Variants in SAMD3 observed in about 807,000 individuals in gnomAD.
SAMD3 encodes sterile alpha motif domain containing 3.
Under a neutral mutation model 58.5 loss-of-function variants are expected in SAMD3, and 63 were observed. The ratio of observed to expected loss-of-function variants is 1.08; its 90% CI spans 0.88 to 1.33. The LOEUF (loss-of-function observed/expected upper bound fraction) is 1.33, where lower values mean the gene tolerates loss of function less well. SAMD3 is among the 40% of genes most tolerant of loss of function. SAMD3 has a pLI of 0.00. For missense variants in SAMD3, 604 were observed against 608.4 expected, an observed-to-expected ratio of 0.99 and a Z score of 0.08; for synonymous variants, 220 against 210.3, an observed-to-expected ratio of 1.05 and a Z score of -0.40.
chr6:130,215,343 G>T, intron 2 of SAMD3, 49 bp from the exon 3 acceptor site: 2 of 1,291,184 alleles, frequency 1.5e-6, no homozygotes, highest in South Asian at 1.5e-5. Flanking sequence ...TTCTGATTGT[G>T]CCTTAATTTT....
At chr6:130,318,423 A>G (rs558334673) in intron 1 of SAMD3, among the ~76,000 whole-genome samples, 1 of 150,914 alleles carries the variant, frequency 6.6e-6, no homozygotes, top group African/African-American at 2.4e-5. Context: ...TAATAAAAAA[A>G]TTTTTTTTTT....
chr6:130,228,753 C>T (rs2114875306), intron 2 of SAMD3, among the ~76,000 whole-genome samples: 1 of 152,298 alleles, frequency 6.6e-6, no homozygotes, highest in Non-Finnish European at 1.5e-5. Flanking sequence ...CTGATGGAAG[C>T]CCGCATGTGG....
At chr6:130,155,498 C>G (rs1339428628) in intron 8 of SAMD3, among the ~76,000 whole-genome samples, 1 of 152,158 alleles carries the variant, frequency 6.6e-6, no homozygotes, top group Non-Finnish European at 1.5e-5. Flanking sequence ...TTTTCTGATG[C>G]TAAATCATTA....
rs1018682183 is a variant in SAMD3 at position 130,155,912 on chromosome 6, T to C, written c.823-887A>G. Among the ~76,000 whole-genome samples, 4 of 152,298 alleles carry C rather than the reference T, an allele frequency of 2.6e-5. 1 individual carries two copies. Among genetic ancestry groups the C allele is most frequent in the Admixed American group, 6.5e-5 (1 of 15,292 alleles). On this transcript the variant is annotated intron_variant, in intron 8 of 11. Transcript: ENST00000439090. The stretch of plus-strand genomic sequence containing the variant: ...CAAAATTAAGAAGAAGTTCCTATAA[T>C]CTTATACAAATTTAGTTGGAAGATA...
At position 130,146,017 on chromosome 6, in the gene SAMD3, C is replaced by T. The variant is rs1788593018; in HGVS notation, c.1188G>A (p.Met396Ile). 6.6e-7 allele frequency: 1 copy of T among 1,505,310 alleles called. No individual in the cohort carries two copies. Among genetic ancestry groups the T allele is most frequent in the African/African-American group, 1.4e-5 (1 of 70,762 alleles). 93.2% of individuals were successfully genotyped at this position (1,505,310 alleles called of 1,614,324 possible). ...EKMKHYTDED[M>I]LKYMKMTATC... is the part of the protein sequence containing the mutation. The stretch of plus-strand genomic sequence containing the variant: ...TCCATAAGGTTTACTAACATTTCAA[C>T]ATGTCTTCATCTGTGTAATGTTTCA... The change falls in exon 10 of 12, where the codon ATG becomes ATA. Residue 396 changes from methionine to isoleucine, a missense_variant. By Grantham distance (10) the Met-to-Ile change is conservative. Transcript: ENST00000439090.
intron 5 of SAMD3, among the ~76,000 whole-genome samples, chr6:130,185,549 A>T (rs1367651454): frequency 6.6e-6 from 1 of 150,664 alleles, no homozygotes; most frequent in Non-Finnish European, 1.5e-5. Context: ...GGATGGTCTC[A>T]ATCTCCTGAC....
chr6:130,365,709 G>T, upstream of SAMD3: 2 of 985,514 alleles, frequency 2.0e-6, no homozygotes, highest in South Asian at 4.7e-5. Context: ...CCCGGGAAGA[G>T]CGCCTGCAAG....
chr6:130,204,394 A>C (rs1488013123), intron 5 of SAMD3, among the ~76,000 whole-genome samples: 1 of 152,130 alleles, frequency 6.6e-6, no homozygotes, highest in Non-Finnish European at 1.5e-5. Flanking sequence ...AGTAAAGAGC[A>C]CAGTATCTTC....
At position 130,232,775 on chromosome 6, in the gene SAMD3, T is replaced by C. The variant is rs903576108; in HGVS notation, c.-187-9962A>G. On this transcript the variant is annotated intron_variant, in intron 2 of 13. Transcript: ENST00000368134. ...GCAAATGCTAGCACTTAGCATTTAT[T>C]GCTCCTTTATTATTTCTTTTACTAA... Among the ~76,000 whole-genome samples, 4 of 152,384 alleles carry C rather than the reference T, an allele frequency of 2.6e-5. No homozygotes were observed. In the East Asian group the frequency reaches 5.8e-4, roughly 22 times the overall value.
intron 8 of SAMD3, among the ~76,000 whole-genome samples, chr6:130,156,164 C>T (rs867381928): frequency 6.6e-6 from 1 of 151,982 alleles, no homozygotes; most frequent in African/African-American, 2.4e-5. Flanking sequence ...CATAGCGAAA[C>T]CCCACCTCTA....
intron 5 of SAMD3, among the ~76,000 whole-genome samples, chr6:130,188,663 A>G (rs914654924): frequency 1.2e-4 from 18 of 152,294 alleles, no homozygotes; most frequent in Middle Eastern, 3.4e-3. Context: ...TCTAAAGTCA[A>G]TAATGATTTC....
chr6:130,217,579 G>T, intron 1 of SAMD3, among the ~76,000 whole-genome samples: 1 of 152,140 alleles, frequency 6.6e-6, no homozygotes, highest in East Asian at 1.9e-4. Flanking sequence ...GCCTAAATAT[G>T]GGCAAGCTTT....
chr6:130,205,681 A>G (rs556039094), intron 5 of SAMD3, among the ~76,000 whole-genome samples: 1 of 152,318 alleles, frequency 6.6e-6, no homozygotes, highest in East Asian at 1.9e-4. Flanking sequence ...CAACAGCAAG[A>G]AAAAACATGG....
chr6:130,288,583 T>C (rs558986735), intron 2 of SAMD3, among the ~76,000 whole-genome samples: 98 of 152,328 alleles, frequency 6.4e-4, no homozygotes, highest in African/African-American at 2.3e-3. Flanking sequence ...CAGGTGAAAG[T>C]TCGGCTTTGG....
chr6:130,202,014 A>C (rs1246814193), intron 5 of SAMD3, among the ~76,000 whole-genome samples: 1 of 152,174 alleles, frequency 6.6e-6, no homozygotes, highest in Non-Finnish European at 1.5e-5. Flanking sequence ...ATCCATCCCC[A>C]ACCCCATGTC....
intron 8 of SAMD3, among the ~76,000 whole-genome samples, chr6:130,169,477 G>A (rs1363901661): frequency 6.6e-6 from 1 of 152,200 alleles, no homozygotes; most frequent in Admixed American, 6.5e-5. Flanking sequence ...TTGTTTGCCA[G>A]CAAAAATGTT....
chr6:130,208,047 T>C (rs2114817511), intron 5 of SAMD3, among the ~76,000 whole-genome samples: 1 of 152,282 alleles, frequency 6.6e-6, no homozygotes. Flanking sequence ...ACAGTCCACT[T>C]GGAAAAAATA....
At chr6:130,280,799 T>C (rs936777095) in intron 2 of SAMD3, among the ~76,000 whole-genome samples, 1 of 152,210 alleles carries the variant, frequency 6.6e-6, no homozygotes, top group African/African-American at 2.4e-5. Context: ...TAAAATTTAG[T>C]AATCATCTAT....
At chr6:130,295,924 T>G (rs1403790539) in intron 2 of SAMD3, among the ~76,000 whole-genome samples, 1 of 152,192 alleles carries the variant, frequency 6.6e-6, no homozygotes, top group East Asian at 1.9e-4. Flanking sequence ...GTAAAGACAC[T>G]TGGAGACTGC....
Sources: gnomAD v4.1 joint callset for allele counts (sites outside exome capture counted in the v4.1 genomes callset) on GRCh38, gnomAD v4.1.1 for gene constraint, MANE v1.5 for transcripts, NCBI Gene and HGNC (gene_info 2026-07-23, HGNC 2026-07-21) for gene names.